The following VAV2 variants were observed in gnomAD, a reference collection of about 807,000 sequenced individuals.
The protein encoded by VAV2 is vav guanine nucleotide exchange factor 2.
A neutral mutation model predicts 132.5 loss-of-function variants in VAV2; 67 were observed. The observed-to-expected ratio is 0.51, with a 90% CI of 0.42 to 0.62. The LOEUF is 0.62. VAV2 is among the 20% of genes least tolerant of loss of function. The pLI is 0.00. For synonymous variants in VAV2, 492 were observed against 443.5 expected, an observed-to-expected ratio of 1.11 and a Z score of -1.37; for missense variants, 938 against 1,153.6, an observed-to-expected ratio of 0.81 and a Z score of 2.71.
chr9:133,906,827 T>G (rs1839673804), intron 2 of VAV2, among the ~76,000 whole-genome samples: 1 of 151,562 alleles, frequency 6.6e-6, no homozygotes, highest in African/African-American at 2.4e-5. Context: ...CCTTCTGACG[T>G]GCGGAGACCC....
chr9:133,900,782 T>G (rs892309098), intron 2 of VAV2, among the ~76,000 whole-genome samples: 1 of 148,822 alleles, frequency 6.7e-6, no homozygotes, highest in East Asian at 1.9e-4. Context: ...TTTATTTATT[T>G]ATTTATTTAT....
At chr9:133,868,900 G>T (rs1479363386) in intron 2 of VAV2, among the ~76,000 whole-genome samples, 2 of 152,240 alleles carry the variant, frequency 1.3e-5, no homozygotes, top group Non-Finnish European at 2.9e-5. Flanking sequence ...ATCAAGCTGG[G>T]TGCAGTGGCT....
intron 1 of VAV2, among the ~76,000 whole-genome samples, chr9:133,982,068 G>A (rs1358857267): frequency 6.6e-6 from 1 of 152,236 alleles, no homozygotes; most frequent in African/African-American, 2.4e-5. Flanking sequence ...AAGAGCCCTT[G>A]TCAGGGGACT....
At chr9:133,890,328 G>A (rs1838882226) in intron 2 of VAV2, among the ~76,000 whole-genome samples, 1 of 152,204 alleles carries the variant, frequency 6.6e-6, no homozygotes, top group African/African-American at 2.4e-5. Context: ...CGCGTCTCAC[G>A]CAGGCCGTGG....
intron 1 of VAV2, among the ~76,000 whole-genome samples, chr9:133,943,129 G>C (rs1479586901): frequency 1.3e-5 from 2 of 152,252 alleles, no homozygotes; most frequent in Non-Finnish European, 2.9e-5. Context: ...GGCCCTCTGA[G>C]AGGACGGGCG....
At chr9:133,862,935 C>T (rs1444905989) in intron 2 of VAV2, among the ~76,000 whole-genome samples, 1 of 152,174 alleles carries the variant, frequency 6.6e-6, no homozygotes, top group African/African-American at 2.4e-5. Context: ...GTGCTGCCTT[C>T]CTGTACGTGC....
At chr9:133,799,043 G>A (rs1361051450) in intron 9 of VAV2, among the ~76,000 whole-genome samples, 2 of 152,230 alleles carry the variant, frequency 1.3e-5, no homozygotes, top group Admixed American at 6.5e-5. Flanking sequence ...CCTGGGGCTC[G>A]GGGCGGGCAG....
chr9:133,800,747 C>A (rs774058095), intron 9 of VAV2, among the ~76,000 whole-genome samples: 1 of 152,158 alleles, frequency 6.6e-6, no homozygotes, highest in Non-Finnish European at 1.5e-5. Context: ...TTTAGGTGGA[C>A]GAGGGGCTGG....
intron 2 of VAV2, among the ~76,000 whole-genome samples, chr9:133,916,078 C>T (rs1423714418): frequency 1.3e-5 from 2 of 152,114 alleles, no homozygotes; most frequent in African/African-American, 2.4e-5. Flanking sequence ...AAGATACACA[C>T]GTGCACACAC....
intron 2 of VAV2, among the ~76,000 whole-genome samples, chr9:133,867,152 G>A (rs956453747): frequency 1.3e-5 from 2 of 152,096 alleles, no homozygotes; most frequent in African/African-American, 4.8e-5. Context: ...GGGTCCCGGC[G>A]CTCCCTGCAG....
intron 2 of VAV2, among the ~76,000 whole-genome samples, chr9:133,921,451 G>A (rs568425349): frequency 6.6e-6 from 1 of 152,262 alleles, no homozygotes; most frequent in East Asian, 1.9e-4. Context: ...GGGCAACACA[G>A]CAAGACCCTA....
At chr9:133,921,999 G>A (rs1373786733) in intron 2 of VAV2, among the ~76,000 whole-genome samples, 1 of 152,258 alleles carries the variant, frequency 6.6e-6, no homozygotes, top group African/African-American at 2.4e-5. Context: ...AGCTAATGGC[G>A]CACGCACAGG....
At chr9:133,900,805 T>TTATGTATG (rs952507972) in intron 2 of VAV2, among the ~76,000 whole-genome samples, 1 of 125,650 alleles carries the variant, frequency 8.0e-6, no homozygotes, top group South Asian at 2.5e-4. Flanking sequence ...ATTTATTTAT[T>TTATGTATG]TATGTATTTT....
At chr9:133,977,449 C>T (rs775421140) in intron 1 of VAV2, among the ~76,000 whole-genome samples, 8 of 152,156 alleles carry the variant, frequency 5.3e-5, no homozygotes, top group South Asian at 2.1e-4. Context: ...TAGAACCTTC[C>T]GCCACCCCAG....
At position 133,794,639 on chromosome 9, in the gene VAV2, G is replaced by C. The variant is rs1834634357; in HGVS notation, c.1101+1029C>G. Among the ~76,000 whole-genome samples the C allele has an allele frequency of 6.6e-6, 1 of 152,182 alleles. No individual in the cohort carries two copies. Among genetic ancestry groups the C allele is most frequent in the Non-Finnish European group, 1.5e-5 (1 of 68,026 alleles). The stretch of plus-strand genomic sequence containing the variant: ...CCCAGAGGGCAGGGGCCAGGTGTCA[G>C]AGGGCAGGACTGCAGCCCTGAGGGG... On this transcript the variant is annotated intron_variant, in intron 12 of 29. Transcript: ENST00000371850. This position sits in a 1 kb window ranked among gnomAD's most constrained non-coding sequence, Gnocchi z 4.6.
At position 133,933,813 on chromosome 9, in the gene VAV2, T is replaced by A. The variant is rs555975853; in HGVS notation, c.321+5290A>T. 5.8e-5 allele frequency among the ~76,000 whole-genome samples: 8 copies of A among 137,548 alleles called. No homozygotes were observed. In the South Asian group the frequency reaches 1.7e-3, roughly 29 times the overall value. 90.2% of individuals were successfully genotyped at this position (137,548 alleles called of 152,430 possible). A position where few individuals can be genotyped will look rare whatever the true frequency, so the allele number is the denominator to read the frequency against. ...GGATGGTGGATGGATGAATGATGGA[T>A]GAATGGATGAGTGGATGGATGGATG... On this transcript the variant is annotated intron_variant, in intron 2 of 29. Coordinates refer to ENST00000371850, the MANE Select transcript of VAV2 (RefSeq NM_001134398.2).
At chr9:133,835,587 T>C (rs1285023928) in intron 3 of VAV2, among the ~76,000 whole-genome samples, 2 of 152,216 alleles carry the variant, frequency 1.3e-5, no homozygotes, top group African/African-American at 2.4e-5. Context: ...GTAGGAAACC[T>C]GTCACTAAGG....
At chr9:133,931,199 T>C (rs1840675470) in intron 2 of VAV2, among the ~76,000 whole-genome samples, 1 of 152,160 alleles carries the variant, frequency 6.6e-6, no homozygotes. Flanking sequence ...GGGCAGGCCC[T>C]GCTGGGCCAG....
chr9:133,939,640 C>T (rs917171120), intron 1 of VAV2, among the ~76,000 whole-genome samples: 2 of 152,238 alleles, frequency 1.3e-5, no homozygotes, highest in African/African-American at 4.8e-5. Context: ...ATGTCGAGGC[C>T]GACAGTCACA....
Sources: allele counts gnomAD v4.1 joint callset (sites outside exome capture counted in the v4.1 genomes callset), GRCh38; gene constraint gnomAD v4.1.1; non-coding constraint Gnocchi (gnomAD v3.1); transcripts MANE v1.5; gene names NCBI Gene and HGNC (gene_info 2026-07-23, HGNC 2026-07-21).